The following COL5A2 variants were observed in gnomAD, a reference collection of about 807,000 sequenced individuals.
COL5A2 encodes the protein collagen alpha-2(V) chain.
Under a neutral mutation model 208.2 loss-of-function variants are expected in COL5A2, and 23 were observed. The observed-to-expected ratio is 0.11, with a 90% CI of 0.08 to 0.16. The LOEUF (loss-of-function observed/expected upper bound fraction) is 0.16, where lower values mean the gene tolerates loss of function less well. Ranked by LOEUF, COL5A2 falls within the 10% of genes least tolerant of loss-of-function variation. COL5A2 has a pLI of 1.00. For synonymous variants in COL5A2, 625 were observed against 628.5 expected (o/e 0.99, Z 0.08); for missense variants, 1,590 against 1,956.4 (o/e 0.81, Z 3.53).
At chr2:189,291,323 A>G in the COL5A2 span, among the ~76,000 whole-genome samples, 1 of 152,180 alleles carries the variant, frequency 6.6e-6, no homozygotes. Flanking sequence ...CTGAATCAGC[A>G]TTATTAGCTC....
At chr2:189,187,968 CA>C (rs71020986) in intron 1 of COL5A2, among the ~76,000 whole-genome samples, 2 of 139,700 alleles carry the variant, frequency 1.4e-5, no homozygotes, top group South Asian at 4.7e-4. Flanking sequence ...GACTCTGTCT[CA>C]AAAAAAAAAG....
intron 1 of COL5A2, among the ~76,000 whole-genome samples, chr2:189,149,566 C>T (rs535901464): frequency 6.4e-4 from 98 of 152,264 alleles, no homozygotes; most frequent in East Asian, 1.2e-3. Context: ...AAATCGACTA[C>T]ACTATTAACC....
At position 189,034,961 on chromosome 2, in the gene COL5A2, C is replaced by G. The variant is rs1685414116; in HGVS notation, c.4308G>C (p.Glu1436Asp). 1 of 1,613,838 alleles carries G rather than the reference C, an allele frequency of 6.2e-7. No individual in the cohort carries two copies. The highest frequency in any genetic ancestry group is 1.1e-5 in the South Asian group (1 of 91,076). The change falls in exon 53 of 54, where the codon GAG (glutamate) becomes GAC (aspartate). Residue 1436 changes from glutamate (E) to aspartate (D), a missense_variant. Glu to Asp is a conservative substitution (Grantham distance 45, BLOSUM62 2). Coordinates refer to ENST00000374866, the MANE Select transcript of COL5A2 (RefSeq NM_000393.5). Reference protein sequence around the residue: ...KGANDLDIKAEGNIRFRYIVL... With the variant: ...KGANDLDIKADGNIRFRYIVL... ...CGATATACCGGAATCTAATATTTCC[C>G]TCTGCTTTGATATCTAAGTCATTTG...
chr2:189,342,640 AACACACACACACACAC>A, the COL5A2 span, among the ~76,000 whole-genome samples: 9 of 143,690 alleles, frequency 6.3e-5, no homozygotes, highest in African/African-American at 1.5e-4. Context: ...AGAGAGCTAA[AACACACACACACACAC>A]ACACACACAC....
Position 189,198,101 on chromosome 2 carries a change from C to T in COL5A2, c.-42+27047G>A, listed in dbSNP as rs375631197. On this transcript the variant is annotated intron_variant, in intron 1 of 10. Coordinates refer to the COL5A2 transcript ENST00000649966. The stretch of plus-strand genomic sequence containing the variant: ...CCTGACCTCGTGATCCGCCTGCTTA[C>T]CTTAACCTTTAATATGATACATATT... Among the ~76,000 whole-genome samples the T allele has an allele frequency of 2.6e-5, 4 of 152,192 alleles. No individual in the cohort carries two copies. The East Asian group carries it at 5.8e-4, about 22-fold the overall frequency.
upstream of COL5A2, among the ~76,000 whole-genome samples, chr2:189,225,699 C>CA (rs200328507): frequency 2.5e-3 from 366 of 149,102 alleles, 2 homozygotes; most frequent in South Asian, 4.9e-3. Flanking sequence ...AAAACCAAAG[C>CA]AAAAAAAAAT....
the COL5A2 span, among the ~76,000 whole-genome samples, chr2:189,247,083 T>C: frequency 6.6e-6 from 1 of 151,874 alleles, no homozygotes; most frequent in Non-Finnish European, 1.5e-5. Context: ...TTCTGTCAGA[T>C]AAAAGAGATT....
intron 1 of COL5A2, among the ~76,000 whole-genome samples, chr2:189,164,128 T>C (rs950766896): frequency 2.6e-5 from 4 of 152,286 alleles, no homozygotes; most frequent in Admixed American, 2.6e-4. Flanking sequence ...CTGTGGATAT[T>C]TGTCACCAGT....
chr2:189,220,043 G>C (rs1359601647), intron 1 of COL5A2, among the ~76,000 whole-genome samples: 1 of 152,148 alleles, frequency 6.6e-6, no homozygotes, highest in African/African-American at 2.4e-5. Flanking sequence ...AATGTCTCAT[G>C]ATGGGTCGAA....
the COL5A2 span, among the ~76,000 whole-genome samples, chr2:189,287,396 C>T: frequency 2.0e-5 from 3 of 151,504 alleles, no homozygotes; most frequent in South Asian, 6.3e-4. Context: ...GGCACAAGCA[C>T]AATGGACACA....
chr2:189,353,946 T>C, the COL5A2 span, among the ~76,000 whole-genome samples: 1 of 152,018 alleles, frequency 6.6e-6, no homozygotes, highest in Non-Finnish European at 1.5e-5. Flanking sequence ...AGCTCTATTT[T>C]GAGATACGTT....
Position 189,081,009 on chromosome 2 carries a change from G to T in COL5A2, c.887C>A (p.Pro296Gln), listed in dbSNP as rs756630117. The T allele has an allele frequency of 6.2e-7, 1 of 1,613,376 alleles. No individual in the cohort carries two copies. Among genetic ancestry groups the T allele is most frequent in the Non-Finnish European group, 8.5e-7 (1 of 1,179,506 alleles). The part of the protein sequence containing the change: ...ARGFPGAPGL[P>Q]GLKGHRGHKG... ...ACTTACTCGGTGACCCTTCAGACCT[G>T]GAAGACCAGGAGCCCCAGGAAATCC... Residue 296 changes from proline to glutamine, a missense_variant, in exon 13 of 54, where the codon CCA (proline) becomes CAA (glutamine). By Grantham distance (76) the Pro-to-Gln change is moderately conservative. Transcript: ENST00000374866.
chr2:189,289,128 G>A, the COL5A2 span, among the ~76,000 whole-genome samples: 1 of 152,214 alleles, frequency 6.6e-6, no homozygotes, highest in Non-Finnish European at 1.5e-5. Context: ...GATCACCTGA[G>A]GTCAGGAGTT....
chr2:189,062,529 TTGAG>T (rs1272916835), intron 29 of COL5A2, among the ~76,000 whole-genome samples: 23 of 152,096 alleles, frequency 1.5e-4, no homozygotes, highest in African/African-American at 4.1e-4. Flanking sequence ...AGGTAAATAA[TTGAG>T]TATCTAAATA....
chr2:189,063,208 G>T lies in COL5A2; in HGVS notation c.1833C>A (p.Pro611=), dbSNP rs765364009. The change falls in exon 27 of 54, where the codon CCC becomes CCA. Residue 611 remains proline, a synonymous_variant. Transcript: ENST00000374866. ...TGGGGCCTGGAAGGCCCATGCTCCC[G>T]GGCTGCCCTCTGATTCCTATGGAGC... is the stretch of plus-strand genomic sequence containing the variant. ...PPGSIGIRGQ[P]GSMGLPGPKG... The T allele has an allele frequency of 6.2e-7, 1 of 1,614,112 alleles. No individual in the cohort carries two copies. Among genetic ancestry groups the T allele is most frequent in the South Asian group, 1.1e-5 (1 of 91,084 alleles).
At chr2:189,418,473 G>C in the COL5A2 span, among the ~76,000 whole-genome samples, 1 of 152,144 alleles carries the variant, frequency 6.6e-6, no homozygotes, top group African/African-American at 2.4e-5. Flanking sequence ...TAGGATATCT[G>C]CTTTTGCTGA....
chr2:189,177,068 G>A (rs1218746683), intron 1 of COL5A2, among the ~76,000 whole-genome samples: 1 of 151,936 alleles, frequency 6.6e-6, no homozygotes, highest in African/African-American at 2.4e-5. Flanking sequence ...CCACAGTCAA[G>A]TAAAGGGAAA....
At chr2:189,224,226 CA>C (rs1689383519) in intron 1 of COL5A2, among the ~76,000 whole-genome samples, 2 of 151,454 alleles carry the variant, frequency 1.3e-5, no homozygotes, top group Admixed American at 6.6e-5. Context: ...TAAACACAAC[CA>C]AAAAAATAAA....
chr2:189,131,182 T>G lies in COL5A2; in HGVS notation c.98-20733A>C, dbSNP rs115941700. On this transcript the variant is annotated intron_variant, in intron 1 of 53. Transcript: ENST00000374866. ...AGGGAAATAACATAGTATTTTCAAA[T>G]GACGATTCTTATTGGAATAAATGTC... is the stretch of plus-strand genomic sequence containing the variant. Among the ~76,000 whole-genome samples the G allele has an allele frequency of 5.7e-3, 869 of 152,250 alleles. 11 individuals carry two copies. The highest frequency in any genetic ancestry group is 0.02 in the African/African-American group (830 of 41,580).
Sources: gnomAD v4.1 joint callset for allele counts (sites outside exome capture counted in the v4.1 genomes callset) on GRCh38, gnomAD v4.1.1 for gene constraint, MANE v1.5 for transcripts, NCBI Gene and HGNC (gene_info 2026-07-23, HGNC 2026-07-21) for gene names.